Variants in PTPN22 observed in about 807,000 individuals in gnomAD.
The protein encoded by PTPN22 is protein tyrosine phosphatase non-receptor type 22.
In PTPN22, 85 loss-of-function variants were observed where a neutral mutation model predicts 103.3. The ratio of observed to expected loss-of-function variants is 0.82; its 90% CI spans 0.69 to 0.99. The LOEUF (loss-of-function observed/expected upper bound fraction) is 0.99, where lower values mean the gene tolerates loss of function less well. Ranked by LOEUF, PTPN22 falls within the 50% of genes least tolerant of loss-of-function variation. PTPN22 has a pLI of 0.00. For synonymous variants in PTPN22, 323 were observed against 310.2 expected (o/e 1.04, Z -0.43); for missense variants, 865 against 936.9 (o/e 0.92, Z 1.00).
chr1:113,849,613 G>A (rs967163957), intron 10 of PTPN22, among the ~76,000 whole-genome samples: 10 of 148,052 alleles, frequency 6.8e-5, no homozygotes, highest in Non-Finnish European at 1.0e-4. Context: ...TTTGAGACAC[G>A]GTCTCACCGT....
chr1:113,869,221 A>C (rs190476084), intron 1 of PTPN22, among the ~76,000 whole-genome samples: 1,949 of 152,056 alleles, frequency 0.013, 18 homozygotes, highest in Non-Finnish European at 0.017. Context: ...TGTCGCCCCC[A>C]AAAAAAAGAC....
At chr1:113,853,485 G>GT (rs1178257240) in intron 9 of PTPN22, among the ~76,000 whole-genome samples, 1 of 150,278 alleles carries the variant, frequency 6.7e-6, no homozygotes, top group Non-Finnish European at 1.5e-5. Context: ...CGAGTAGCTG[G>GT]TATTACAGGC....
chr1:113,844,858 A>T (rs1340495299), intron 11 of PTPN22, among the ~76,000 whole-genome samples: 1 of 152,156 alleles, frequency 6.6e-6, no homozygotes, highest in East Asian at 1.9e-4. Context: ...TTGCTCTGTC[A>T]CCCAGGTTGG....
intron 11 of PTPN22, among the ~76,000 whole-genome samples, chr1:113,846,581 C>T (rs560788128): frequency 6.6e-6 from 1 of 152,096 alleles, no homozygotes; most frequent in Non-Finnish European, 1.5e-5. Context: ...TTCTTTCTTC[C>T]TTCTTTCATC....
intron 20 of PTPN22, among the ~76,000 whole-genome samples, chr1:113,818,897 A>G (rs1222833355): frequency 6.6e-6 from 1 of 152,192 alleles, no homozygotes; most frequent in Non-Finnish European, 1.5e-5. Flanking sequence ...AAGTAAGGAC[A>G]ATACCATTAA....
chr1:113,814,679 C>T, exon 21 of PTPN22: 1 of 504,416 alleles, frequency 2.0e-6, no homozygotes, highest in Non-Finnish European at 3.5e-6. Context: ...TACATAAGCT[C>T]AAGTGACAAA....
At chr1:113,858,620 G>T in intron 3 of PTPN22, 47 bp from the exon 4 acceptor site, 5 of 1,135,982 alleles carry the variant, frequency 4.4e-6, no homozygotes, top group Non-Finnish European at 6.3e-6. Flanking sequence ...ATAATACCCT[G>T]TTCTCACCTA....
At position 113,862,199 on chromosome 1, in the gene PTPN22, C is replaced by T. The variant is rs1441939858; in HGVS notation, c.88-2739G>A. On this transcript the variant is annotated intron_variant, in intron 1 of 20. Transcript: ENST00000359785. ...CAGGAGGCTAAGGCAAGGAGAATCGCTTGAACCTGGAAGGCAGAGATTGCA... is the reference window on the plus strand; with the variant it reads ...CAGGAGGCTAAGGCAAGGAGAATCGTTTGAACCTGGAAGGCAGAGATTGCA... 2.6e-5 allele frequency among the ~76,000 whole-genome samples: 4 copies of T among 152,100 alleles called. No homozygotes were observed. The East Asian group carries it at 7.7e-4, about 29-fold the overall frequency.
At chr1:113,870,809 A>C (rs1035434884) in intron 1 of PTPN22, among the ~76,000 whole-genome samples, 3 of 152,226 alleles carry the variant, frequency 2.0e-5, no homozygotes, top group Non-Finnish European at 4.4e-5. Context: ...GCTTGAAGCC[A>C]GGAGTTCGAG....
chr1:113,849,597 T>TA (rs1212248759), intron 10 of PTPN22, among the ~76,000 whole-genome samples: 4 of 107,110 alleles, frequency 3.7e-5, no homozygotes, highest in East Asian at 2.0e-4. Flanking sequence ...TTTATTTATT[T>TA]TTTTTTTTGA....
At chr1:113,863,612 G>T (rs1024015217) in intron 1 of PTPN22, among the ~76,000 whole-genome samples, 10 of 152,326 alleles carry the variant, frequency 6.6e-5, no homozygotes, top group African/African-American at 2.4e-4. Flanking sequence ...GGAATGAGTA[G>T]TGTCAATTCA....
chr1:113,844,281 C>T (rs1424422038), intron 11 of PTPN22, among the ~76,000 whole-genome samples: 1 of 152,124 alleles, frequency 6.6e-6, no homozygotes, highest in East Asian at 1.9e-4. Flanking sequence ...ATGGCAAAAC[C>T]CCATCTCTAC....
In PTPN22 at chr1:113,826,732, G is replaced by C. The variant is rs1013446599; in HGVS notation, c.2251-1560C>G. 4.2e-5 allele frequency among the ~76,000 whole-genome samples: 6 copies of C among 142,208 alleles called. No homozygotes were observed. The Admixed American group carries it at 4.2e-4, about 10-fold the overall frequency. 93.3% of individuals were successfully genotyped at this position (142,208 alleles called of 152,430 possible). ...TCGCCCAGGCTGGAGTGCAGTGGCG[G>C]GATCTCGGCTCACTGCAAGCTCCGC... On this transcript the variant is annotated intron_variant, in intron 18 of 20. Transcript: ENST00000359785.
chr1:113,852,590 A>C (rs1298179874), intron 9 of PTPN22, among the ~76,000 whole-genome samples: 6 of 152,200 alleles, frequency 3.9e-5, no homozygotes, highest in Non-Finnish European at 8.8e-5. Context: ...AGTGGTCCTC[A>C]AACTTCATCA....
intron 1 of PTPN22, among the ~76,000 whole-genome samples, chr1:113,867,790 C>T (rs959358978): frequency 1.3e-5 from 2 of 152,188 alleles, no homozygotes; most frequent in African/African-American, 4.8e-5. Context: ...AGGGAAAAGA[C>T]ATAAGCAGCA....
intron 11 of PTPN22, among the ~76,000 whole-genome samples, chr1:113,843,847 A>G (rs1427872425): frequency 6.6e-6 from 1 of 152,204 alleles, no homozygotes; most frequent in Non-Finnish European, 1.5e-5. Flanking sequence ...GAGTTTTAAA[A>G]TTACAAATTC....
chr1:113,855,131 T>C, intron 7 of PTPN22, 82 bp from the exon 8 acceptor site: 2 of 1,259,908 alleles, frequency 1.6e-6, no homozygotes, highest in Non-Finnish European at 2.3e-6. Flanking sequence ...ACTACCTGGG[T>C]GATGGGATTA....
chr1:113,864,398 AAAAAAAAG>A, intron 1 of PTPN22: 1 of 223,644 alleles, frequency 4.5e-6, no homozygotes, highest in African/African-American at 3.6e-5. Context: ...TCCAGAAAAA[AAAAAAAAG>A]AAAGAAAAGA....
chr1:113,848,584 T>C, exon 11 of PTPN22: 1 of 1,613,632 alleles, frequency 6.2e-7, no homozygotes, highest in African/African-American at 1.3e-5. Flanking sequence ...ATCTGTCTCT[T>C]AAATAGTTCT....
Sources: gnomAD v4.1 joint callset for allele counts (sites outside exome capture counted in the v4.1 genomes callset) on GRCh38, gnomAD v4.1.1 for gene constraint, MANE v1.5 for transcripts, NCBI Gene and HGNC (gene_info 2026-07-23, HGNC 2026-07-21) for gene names.